The following RCC1L variants were observed in gnomAD, a reference collection of about 807,000 sequenced individuals.
RCC1L encodes RCC1 like, also known as RCC1-like G exchanging factor-like protein.
In RCC1L, 46 loss-of-function variants were observed where a neutral mutation model predicts 58.6. That is an observed-to-expected ratio of 0.79 (90% CI 0.62 to 1.00). The LOEUF is 1.00. RCC1L is among the 50% of genes least tolerant of loss of function. The pLI is 0.00. For missense variants in RCC1L, 636 were observed against 623.6 expected, an observed-to-expected ratio of 1.02 and a Z score of -0.21; for synonymous variants, 281 against 262.9, an observed-to-expected ratio of 1.07 and a Z score of -0.67.
chr7:75,040,495 T>C (rs1316102299), downstream of RCC1L, among the ~76,000 whole-genome samples: 4 of 152,010 alleles, frequency 2.6e-5, no homozygotes, highest in African/African-American at 4.8e-5. Context: ...ACTAGATCTG[T>C]ATCTTGGTTG....
chr7:75,047,496 C>CA (rs1805761310), intron 10 of RCC1L, among the ~76,000 whole-genome samples: 1 of 152,114 alleles, frequency 6.6e-6, no homozygotes, highest in Non-Finnish European at 1.5e-5. Context: ...CTCCTGGCCT[C>CA]AAGCAATCCT....
chr7:75,056,876 A>G (rs1806097480), intron 8 of RCC1L, among the ~76,000 whole-genome samples: 1 of 152,164 alleles, frequency 6.6e-6, no homozygotes, highest in African/African-American at 2.4e-5. Context: ...CAGTGGCATG[A>G]TCATAGCTCA....
At chr7:75,068,628 G>C (rs1554445579) in intron 2 of RCC1L, among the ~76,000 whole-genome samples, 1 of 152,018 alleles carries the variant, frequency 6.6e-6, no homozygotes, top group African/African-American at 2.4e-5. Flanking sequence ...GGAGGTTGCA[G>C]TGAGCTGAGA....
chr7:75,070,508 T>A (rs1806683493), intron 2 of RCC1L, 132 bp downstream of exon 2: 1 of 1,213,814 alleles, frequency 8.2e-7, no homozygotes, highest in East Asian at 2.8e-5. Flanking sequence ...GAGGTGGAGG[T>A]TGCAGTGAGC....
At chr7:75,069,110 A>G (rs142891773) in intron 2 of RCC1L, among the ~76,000 whole-genome samples, 134,841 of 151,922 alleles carry the variant, frequency 0.89, 59,944 homozygotes, top group East Asian at 0.95. Context: ...CTCGTGATCC[A>G]CCCGCCTCGG....
intron 10 of RCC1L, among the ~76,000 whole-genome samples, chr7:75,051,272 ACAT>A (rs1353468249): frequency 1.3e-5 from 2 of 148,220 alleles, no homozygotes; most frequent in African/African-American, 4.9e-5. Context: ...ATATATACAC[ACAT>A]ATATACACAC....
intron 10 of RCC1L, among the ~76,000 whole-genome samples, chr7:75,031,394 T>C (rs1235503438): frequency 6.6e-6 from 1 of 152,212 alleles, no homozygotes; most frequent in Non-Finnish European, 1.5e-5. Context: ...TCAAGCTTAT[T>C]TTCTTGTTGA....
intron 1 of RCC1L, among the ~76,000 whole-genome samples, chr7:75,072,161 C>CATACATATATATATATATATATATAT (rs1554446238): frequency 2.2e-5 from 1 of 46,366 alleles, no homozygotes; most frequent in African/African-American, 5.8e-5. Context: ...TATACATATA[C>CATACATATATATATATATATATATAT]ATATATATAT....
At position 75,065,792 on chromosome 7, in the gene RCC1L, C is replaced by A. The variant is rs587763449; in HGVS notation, c.583+872G>T. 4.7e-4 allele frequency among the ~76,000 whole-genome samples: 71 copies of A among 151,860 alleles called. No individual in the cohort carries two copies. The East Asian group carries it at 7.4e-3, about 16-fold the overall frequency. Reference sequence around the variant, plus strand: ...CAGCACTTTGGGAGACCGAGGTGGGCGGATCACCTGAGGTCAGGTGTTCAA... The same window carrying A: ...CAGCACTTTGGGAGACCGAGGTGGGAGGATCACCTGAGGTCAGGTGTTCAA... On this transcript the variant is annotated intron_variant, in intron 3 of 10. Transcript: ENST00000610322.
chr7:75,027,691 G>A lies in RCC1L; in HGVS notation c.*341C>T, dbSNP rs893087546. On this transcript the variant is annotated 3_prime_UTR_variant, in exon 11 of 11. Coordinates refer to the RCC1L transcript ENST00000614461. ...GGTGGTCCCTGTTCAAGCCCGCTCCGTGGGAGCTGCCCCCTGGGGACCCTG... is the reference window on the plus strand; with the variant it reads ...GGTGGTCCCTGTTCAAGCCCGCTCCATGGGAGCTGCCCCCTGGGGACCCTG... 8.9e-4 allele frequency: 321 copies of A among 362,458 alleles called. 1 individual carries two copies. Among genetic ancestry groups the A allele is most frequent in the African/African-American group, 6.0e-3 (279 of 46,152 alleles). The allele number at this position is 362,458 out of a possible 1,614,324, so 22.5% of individuals were successfully genotyped here.
In RCC1L at chr7:75,073,699, C is replaced by T. The variant is rs587623260; in HGVS notation, c.39G>A (p.Gly13=). The part of the protein sequence containing the change: ...LVALVAGARL[G]RRLSGPGLGR... Reference sequence around the variant, plus strand: ...CCAGCCCCGGCCCGCTCAGCCGCCGCCCCAGCCGAGCCCCAGCCACCAACG... The same window carrying T: ...CCAGCCCCGGCCCGCTCAGCCGCCGTCCCAGCCGAGCCCCAGCCACCAACG... Residue 13 remains glycine, a synonymous_variant, in exon 1 of 11, where the codon GGG becomes GGA. Coordinates refer to ENST00000610322, the MANE Select transcript of RCC1L (RefSeq NM_030798.5). 6 of 1,509,740 alleles carry T rather than the reference C, an allele frequency of 4.0e-6. No individual in the cohort carries two copies. In the African/African-American group the frequency reaches 7.1e-5, roughly 18 times the overall value. 93.5% of individuals were successfully genotyped at this position (1,509,740 alleles called of 1,614,324 possible). A position where few individuals can be genotyped will look rare whatever the true frequency, so the allele number is the denominator to read the frequency against.
At chr7:75,036,621 C>T (rs980867205) in intron 10 of RCC1L, among the ~76,000 whole-genome samples, 2 of 151,658 alleles carry the variant, frequency 1.3e-5, no homozygotes, top group African/African-American at 4.8e-5. Context: ...GGGCCAGGTG[C>T]GGTAGCTCAC....
chr7:75,031,340 T>C (rs1020916745), intron 10 of RCC1L, among the ~76,000 whole-genome samples: 5 of 151,976 alleles, frequency 3.3e-5, no homozygotes, highest in Non-Finnish European at 7.4e-5. Flanking sequence ...AAGATCTGGG[T>C]GAAGGGGAGA....
chr7:75,064,551 A>G (rs1806391870), intron 4 of RCC1L, 31 bp downstream of exon 4: 1 of 1,612,666 alleles, frequency 6.2e-7, no homozygotes, highest in South Asian at 1.1e-5. Flanking sequence ...TTAACTCAAC[A>G]TGGGGAAGGG....
chr7:75,043,193 C>A (rs1182944205), intron 10 of RCC1L, 84 bp from the exon 11 acceptor site: 4 of 1,488,048 alleles, frequency 2.7e-6, no homozygotes, highest in African/African-American at 1.4e-5. Flanking sequence ...CCCGGCCCTG[C>A]CTCTCAGTAG....
intron 8 of RCC1L, 127 bp from the exon 9 acceptor site, chr7:75,056,201 GT>G (rs1185379253): frequency 3.7e-6 from 4 of 1,071,066 alleles, no homozygotes; most frequent in Admixed American, 2.2e-5. Context: ...TTTTTGTTTT[GT>G]TTTTTTCCTC....
At chr7:75,070,525 C>A in intron 2 of RCC1L, 115 bp downstream of exon 2, 1 of 1,389,478 alleles carries the variant, frequency 7.2e-7, no homozygotes, top group Non-Finnish European at 9.6e-7. Flanking sequence ...GAGCCAGGAT[C>A]TCGCCACTGC....
intron 2 of RCC1L, among the ~76,000 whole-genome samples, chr7:75,070,274 G>A (rs1554445833): frequency 6.6e-6 from 1 of 152,026 alleles, no homozygotes; most frequent in Non-Finnish European, 1.5e-5. Flanking sequence ...CCATGTTCTT[G>A]AACACCAAAG....
intron 6 of RCC1L, among the ~76,000 whole-genome samples, 159 bp from the exon 7 acceptor site, chr7:75,058,928 C>T (rs1378346176): frequency 6.6e-6 from 1 of 151,668 alleles, no homozygotes; most frequent in Non-Finnish European, 1.5e-5. Context: ...TGTAATCCCA[C>T]CACTTTCAGA....
Sources: allele counts gnomAD v4.1 joint callset (sites outside exome capture counted in the v4.1 genomes callset), GRCh38; gene constraint gnomAD v4.1.1; transcripts MANE v1.5; gene names NCBI Gene and HGNC (gene_info 2026-07-23, HGNC 2026-07-21).